Variants in MICAL3 observed in about 807,000 individuals in gnomAD.
MICAL3 encodes the protein microtubule associated monooxygenase, calponin and LIM domain containing 3, also known as [F-actin]-monooxygenase MICAL3.
Under a neutral mutation model 207.4 loss-of-function variants are expected in MICAL3, and 62 were observed. The ratio of observed to expected loss-of-function variants is 0.30; its 90% CI spans 0.24 to 0.37. The LOEUF (loss-of-function observed/expected upper bound fraction) is 0.37, where lower values mean the gene tolerates loss of function less well. Among genes scored for constraint, MICAL3 ranks in the 10% least tolerant of loss-of-function variants. MICAL3 has a pLI of 1.00. For synonymous variants in MICAL3, 1,077 were observed against 1,069.3 expected, an observed-to-expected ratio of 1.01 and a Z score of -0.14; for missense variants, 2,368 against 2,635.6, an observed-to-expected ratio of 0.90 and a Z score of 2.22.
In MICAL3 at chr22:17,818,741, C is replaced by T. The variant is rs373497492; in HGVS notation, c.3920G>A (p.Arg1307Lys). The T allele has an allele frequency of 1.4e-5, 22 of 1,607,146 alleles. No homozygotes were observed. In the African/African-American group the frequency reaches 2.3e-4, roughly 17 times the overall value. Residue 1307 changes from arginine to lysine, a missense_variant, in exon 26 of 32, where the codon AGA becomes AAA. By Grantham distance (26) the Arg-to-Lys change is conservative. Coordinates refer to ENST00000441493, the MANE Select transcript of MICAL3 (RefSeq NM_015241.3). ...PVQSQSDTKD[R>K]LGSPLAVDEA... is the part of the protein sequence containing the mutation. ...ATCCACAGCAAGGGGGCTGCCCAGT[C>T]TGTCCTTGGTGTCACTTTGGCTTTG...
chr22:17,953,930 C>CAAAAAAAAAAAAAAAAAAAAAAAAAAAA lies in MICAL3; in HGVS notation c.-74-47072_-74-47045dup, dbSNP rs59740388. On this transcript the variant is annotated intron_variant, in intron 1 of 31. Coordinates refer to ENST00000441493, the MANE Select transcript of MICAL3 (RefSeq NM_015241.3). ...CAGGTGACAGAGTAAGACTCCATCT[C>CAAAAAAAAAAAAAAAAAAAAAAAAAAAA]AAAAAAAAAAAAAAAAAAAAAAAAA... 4.6e-4 allele frequency among the ~76,000 whole-genome samples: 40 copies of CAAAAAAAAAAAAAAAAAAAAAAAAAAAA among 86,514 alleles called. 2 individuals are homozygous for CAAAAAAAAAAAAAAAAAAAAAAAAAAAA. Among genetic ancestry groups the CAAAAAAAAAAAAAAAAAAAAAAAAAAAA allele is most frequent in the Non-Finnish European group, 5.5e-4 (24 of 43,408 alleles). The allele number at this position is 86,514 out of a possible 152,430, so 56.8% of individuals were successfully genotyped here.
At chr22:17,997,050 C>CTTTTTTTTTTTT (rs71716810) in intron 1 of MICAL3, among the ~76,000 whole-genome samples, 1 of 75,516 alleles carries the variant, frequency 1.3e-5, no homozygotes, top group Non-Finnish European at 2.3e-5. Flanking sequence ...CCCATCTAGT[C>CTTTTTTTTTTTT]TTTTTTTTTT....
intron 1 of MICAL3, among the ~76,000 whole-genome samples, chr22:17,995,510 T>G (rs954460208): frequency 2.8e-5 from 4 of 142,772 alleles, no homozygotes; most frequent in African/African-American, 1.0e-4. Context: ...TTTTTTTTTT[T>G]TTTTTTTTTT....
chr22:17,825,150 T>C (rs1360948313), intron 22 of MICAL3, among the ~76,000 whole-genome samples: 1 of 152,146 alleles, frequency 6.6e-6, no homozygotes, highest in African/African-American at 2.4e-5. Context: ...CCTGGGTCCT[T>C]CACGCGGCTC....
intron 1 of MICAL3, among the ~76,000 whole-genome samples, chr22:17,987,540 G>A (rs1439952464): frequency 2.0e-5 from 3 of 152,206 alleles, no homozygotes; most frequent in Non-Finnish European, 2.9e-5. Context: ...CTGGGGAACC[G>A]CTGCAGGTGT....
chr22:18,024,311 G>A lies in MICAL3; in HGVS notation c.-105C>T, dbSNP rs1363358573. 1 of 152,270 alleles carries A rather than the reference G, an allele frequency of 6.6e-6. No homozygotes were observed. Among genetic ancestry groups the A allele is most frequent in the East Asian group, 1.9e-4 (1 of 5,190 alleles). 9.4% of individuals were successfully genotyped at this position (152,270 alleles called of 1,614,324 possible). A position where few individuals can be genotyped will look rare whatever the true frequency, so the allele number is the denominator to read the frequency against. ...AGGGCTTCACAGCCGCATCACCGCC[G>A]GCGGTGGGCGCCTGCCTCGGCAGGG... On this transcript the variant is annotated 5_prime_UTR_variant, in exon 1 of 32. Coordinates refer to ENST00000441493, the MANE Select transcript of MICAL3 (RefSeq NM_015241.3).
chr22:17,940,480 C>A (rs1275101753), intron 1 of MICAL3, among the ~76,000 whole-genome samples: 1 of 152,114 alleles, frequency 6.6e-6, no homozygotes, highest in Admixed American at 6.5e-5. Context: ...GGCTGTTAAA[C>A]CCATACATCA....
chr22:17,862,675 G>A (rs554251762), intron 19 of MICAL3: 2 of 985,314 alleles, frequency 2.0e-6, no homozygotes, highest in Non-Finnish European at 2.4e-6. Context: ...TCTATTTCAT[G>A]CCAGCCATAA....
chr22:17,956,141 C>A (rs766995151), intron 1 of MICAL3, among the ~76,000 whole-genome samples: 3 of 152,166 alleles, frequency 2.0e-5, no homozygotes, highest in Non-Finnish European at 2.9e-5. Flanking sequence ...CGTCTCATGC[C>A]GACATCCACA....
At chr22:17,824,561 G>A (rs1410713288) in intron 22 of MICAL3, among the ~76,000 whole-genome samples, 2 of 152,114 alleles carry the variant, frequency 1.3e-5, no homozygotes, top group African/African-American at 2.4e-5. Flanking sequence ...GTAAGATGAC[G>A]GTTCAAATCT....
intron 1 of MICAL3, among the ~76,000 whole-genome samples, chr22:18,015,969 T>C (rs1438295386): frequency 6.6e-6 from 1 of 152,188 alleles, no homozygotes. Flanking sequence ...ACAGAGGGTA[T>C]TTTTTATGCA....
chr22:17,910,426 T>C (rs1932049613), intron 1 of MICAL3, among the ~76,000 whole-genome samples: 1 of 152,232 alleles, frequency 6.6e-6, no homozygotes, highest in African/African-American at 2.4e-5. Context: ...CCAATCCTTC[T>C]GCTAGTGAAA....
chr22:17,993,568 C>T (rs1175403429), intron 1 of MICAL3, among the ~76,000 whole-genome samples: 1 of 152,054 alleles, frequency 6.6e-6, no homozygotes, highest in Non-Finnish European at 1.5e-5. Context: ...AGCAGGGCAG[C>T]CCTCAGCACT....
chr22:17,930,979 C>T (rs776646435), intron 1 of MICAL3, among the ~76,000 whole-genome samples: 64 of 152,212 alleles, frequency 4.2e-4, no homozygotes, highest in Non-Finnish European at 7.6e-4. Context: ...GCAGCGCCTC[C>T]CAACGCCCCC....
At chr22:17,906,510 T>A in intron 2 of MICAL3, 39 bp downstream of exon 2, 1 of 1,612,828 alleles carries the variant, frequency 6.2e-7, no homozygotes, top group African/African-American at 1.3e-5. Flanking sequence ...AGAAGGCATC[T>A]CGTCAGTGAC....
At chr22:17,894,297 T>G (rs1602165006) in intron 10 of MICAL3, among the ~76,000 whole-genome samples, 1 of 148,120 alleles carries the variant, frequency 6.8e-6, no homozygotes, top group East Asian at 2.0e-4. Flanking sequence ...GAGGCTGAAG[T>G]GGGAGGATCC....
In MICAL3 at chr22:17,793,147, G is replaced by A. The variant is rs895656927; in HGVS notation, c.5651-1846C>T. Among the ~76,000 whole-genome samples the A allele has an allele frequency of 2.6e-5, 4 of 152,196 alleles. No homozygotes were observed. The highest frequency in any genetic ancestry group is 5.9e-5 in the Non-Finnish European group (4 of 68,036). ...GTGTGTGAGCGAGAGTCGGGTGAGC[G>A]CTGTGGACGGCAGGTAAGAGTTAGC... On this transcript the variant is annotated intron_variant, in intron 29 of 31. Transcript: ENST00000441493. This position sits in a 1 kb window ranked among gnomAD's most constrained non-coding sequence, Gnocchi z 4.1.
intron 1 of MICAL3, among the ~76,000 whole-genome samples, chr22:17,936,282 G>C (rs1475540322): frequency 6.6e-6 from 1 of 152,174 alleles, no homozygotes; most frequent in East Asian, 1.9e-4. Flanking sequence ...GCAGGGACAT[G>C]GATGAAGCTG....
At chr22:17,985,192 G>A (rs1277786923) in intron 1 of MICAL3, among the ~76,000 whole-genome samples, 2 of 152,184 alleles carry the variant, frequency 1.3e-5, no homozygotes, top group African/African-American at 2.4e-5. Context: ...GAGGCAGGGT[G>A]TGCCTGGAGC....
Sources: gnomAD v4.1 joint callset for allele counts (sites outside exome capture counted in the v4.1 genomes callset) on GRCh38, gnomAD v4.1.1 for gene constraint, Gnocchi (gnomAD v3.1) non-coding constraint, MANE v1.5 for transcripts, NCBI Gene and HGNC (gene_info 2026-07-23, HGNC 2026-07-21) for gene names.